Variants in GALNT13 observed in about 807,000 individuals in gnomAD.
GALNT13 encodes UDP-GalNAc:polypeptide N-acetylgalactosaminyltransferase 13.
A neutral mutation model predicts 64.2 loss-of-function variants in GALNT13; 28 were observed. The observed-to-expected ratio is 0.44, with a 90% confidence interval of 0.32 to 0.60. The LOEUF is 0.60. GALNT13 is among the 20% of genes least tolerant of loss of function. GALNT13 has a pLI of 0.05. For synonymous variants in GALNT13, 214 were observed against 224.6 expected (o/e 0.95, Z 0.42); for missense variants, 577 against 669.8 (o/e 0.86, Z 1.53).
At chr2:153,772,747 G>A in the GALNT13 span, among the ~76,000 whole-genome samples, 25 of 152,236 alleles carry the variant, frequency 1.6e-4, no homozygotes, top group Middle Eastern at 3.4e-3. Context: ...GTCTACATTC[G>A]TAGAGACAGC....
At chr2:154,369,854 G>C (rs190765227) in intron 9 of GALNT13, among the ~76,000 whole-genome samples, 2 of 152,112 alleles carry the variant, frequency 1.3e-5, no homozygotes, top group East Asian at 3.9e-4. Flanking sequence ...GCTTCTCGCT[G>C]TGTGCTCACA....
At chr2:153,920,582 T>A (rs1689685986) in intron 2 of GALNT13, among the ~76,000 whole-genome samples, 1 of 152,064 alleles carries the variant, frequency 6.6e-6, no homozygotes, top group South Asian at 2.1e-4. Context: ...GGCAAAGATT[T>A]TATAACAAAG....
intron 3 of GALNT13, among the ~76,000 whole-genome samples, chr2:154,030,657 T>C (rs992953211): frequency 4.6e-5 from 7 of 152,132 alleles, no homozygotes; most frequent in African/African-American, 1.7e-4. Flanking sequence ...TTGGCAGTTA[T>C]TGGATCATGG....
chr2:153,816,687 T>C, the GALNT13 span, among the ~76,000 whole-genome samples: 5 of 152,164 alleles, frequency 3.3e-5, no homozygotes, highest in African/African-American at 9.7e-5. Flanking sequence ...TCAGATTACT[T>C]AGAAGGCTGC....
intron 4 of GALNT13, among the ~76,000 whole-genome samples, chr2:154,236,534 G>T (rs1225849510): frequency 2.6e-5 from 4 of 151,936 alleles, no homozygotes; most frequent in African/African-American, 7.2e-5. Flanking sequence ...TCACTTCCTT[G>T]CAAGTATTAC....
At chr2:154,235,850 G>A (rs1355362927) in intron 4 of GALNT13, among the ~76,000 whole-genome samples, 1 of 152,030 alleles carries the variant, frequency 6.6e-6, no homozygotes, top group Non-Finnish European at 1.5e-5. Flanking sequence ...ACATCAATAT[G>A]GTTTTGAAAG....
At chr2:154,402,966 AT>A (rs1559136118) in intron 10 of GALNT13, among the ~76,000 whole-genome samples, 3 of 152,158 alleles carry the variant, frequency 2.0e-5, no homozygotes, top group South Asian at 2.1e-4. Context: ...TAGTATTGAG[AT>A]ACATGTTAAG....
intron 3 of GALNT13, among the ~76,000 whole-genome samples, chr2:154,078,505 G>A (rs1002381): frequency 0.18 from 27,653 of 151,268 alleles, 4,614 homozygotes; most frequent in East Asian, 0.74. Context: ...GTTGGAAGAA[G>A]GTTCTTTCTT....
At chr2:153,863,793 G>A in the GALNT13 span, among the ~76,000 whole-genome samples, 9 of 152,046 alleles carry the variant, frequency 5.9e-5, no homozygotes, top group Admixed American at 3.3e-4. Context: ...ACTCAGTCCC[G>A]TGAAGCAATG....
chr2:154,251,107 CT>C (rs1285920065), intron 7 of GALNT13, among the ~76,000 whole-genome samples: 4 of 152,036 alleles, frequency 2.6e-5, no homozygotes, highest in African/African-American at 9.7e-5. Context: ...ATTTGGGAGA[CT>C]TTCTTAGCAG....
At chr2:154,015,170 CCA>C (rs138460684) in intron 3 of GALNT13, among the ~76,000 whole-genome samples, 1,684 of 152,114 alleles carry the variant, frequency 0.011, 27 homozygotes, top group African/African-American at 0.038. Context: ...TTTTCTAATA[CCA>C]GAGTTTGAAG....
At chr2:153,920,190 C>T (rs769721556) in intron 2 of GALNT13, among the ~76,000 whole-genome samples, 26 of 151,670 alleles carry the variant, frequency 1.7e-4, no homozygotes, top group Non-Finnish European at 2.4e-4. Context: ...TCATCAATTA[C>T]GATTATAGTT....
chr2:154,121,736 AT>A lies in GALNT13; in HGVS notation c.143-18591del, dbSNP rs138543042. ...CTATAGTCATTTATTGGTTTCGGGA[AT>A]TTTTTTTTTCTATTGTAGATACATT... On this transcript the variant is annotated intron_variant, in intron 3 of 12. Transcript: ENST00000392825. Among the ~76,000 whole-genome samples, 13 of 149,948 alleles carry A rather than the reference AT, an allele frequency of 8.7e-5. No homozygotes were observed. In the South Asian group the frequency reaches 1.5e-3, roughly 17 times the overall value.
the GALNT13 span, among the ~76,000 whole-genome samples, chr2:153,682,355 C>T: frequency 6.6e-6 from 1 of 151,596 alleles, no homozygotes; most frequent in Non-Finnish European, 1.5e-5. Flanking sequence ...TACTGTCATT[C>T]CCCTATCATG....
chr2:153,223,707 C>T, the GALNT13 span, among the ~76,000 whole-genome samples: 1 of 152,090 alleles, frequency 6.6e-6, no homozygotes, highest in Non-Finnish European at 1.5e-5. Context: ...TCATGCCTGC[C>T]CAGCACTTTG....
the GALNT13 span, among the ~76,000 whole-genome samples, chr2:153,649,133 A>C: frequency 6.6e-6 from 1 of 152,150 alleles, no homozygotes; most frequent in Non-Finnish European, 1.5e-5. Flanking sequence ...TTATTGCCTC[A>C]GTTTCAGAGC....
At chr2:153,673,435 TAAAC>T in the GALNT13 span, among the ~76,000 whole-genome samples, 3 of 152,150 alleles carry the variant, frequency 2.0e-5, no homozygotes, top group African/African-American at 7.2e-5. Context: ...ATCCATCACA[TAAAC>T]AGAACCAACA....
chr2:153,162,168 A>G, the GALNT13 span, among the ~76,000 whole-genome samples: 8 of 152,318 alleles, frequency 5.3e-5, no homozygotes, highest in African/African-American at 1.7e-4. Context: ...TACATCCACA[A>G]TGCTGACAGG....
chr2:154,164,052 C>G (rs1274952293), intron 4 of GALNT13, among the ~76,000 whole-genome samples: 2 of 152,050 alleles, frequency 1.3e-5, no homozygotes, highest in African/African-American at 4.8e-5. Flanking sequence ...CCAAATAGTG[C>G]AAAGCTTTAT....
Sources: gnomAD v4.1 joint callset for allele counts (sites outside exome capture counted in the v4.1 genomes callset) on GRCh38, gnomAD v4.1.1 for gene constraint, MANE v1.5 for transcripts, NCBI Gene and HGNC (gene_info 2026-07-23, HGNC 2026-07-21) for gene names.